The following POLR3B variants were observed in gnomAD, a reference collection of about 807,000 sequenced individuals.
POLR3B encodes DNA-directed RNA polymerase III subunit RPC2.
In POLR3B, 96 loss-of-function variants were observed where a neutral mutation model predicts 147.4. That is an observed-to-expected ratio of 0.65 (90% confidence interval 0.55 to 0.77). The LOEUF (loss-of-function observed/expected upper bound fraction) is 0.77, where lower values mean the gene tolerates loss of function less well. Among genes scored for constraint, POLR3B ranks in the 30% least tolerant of loss-of-function variants. POLR3B has a pLI of 0.00. For synonymous variants in POLR3B, 461 were observed against 485.9 expected (o/e 0.95, Z 0.67); for missense variants, 1,036 against 1,413.5 (o/e 0.73, Z 4.28).
intron 10 of POLR3B, among the ~76,000 whole-genome samples, chr12:106,398,925 C>A (rs763472886): frequency 9.9e-5 from 15 of 152,156 alleles, no homozygotes; most frequent in Non-Finnish European, 2.2e-4. Flanking sequence ...AATCACAGCA[C>A]CTCTCCTCCT....
Position 106,405,906 on chromosome 12 carries a change from G to T in POLR3B, c.896G>T (p.Gly299Val). Residue 299 changes from glycine to valine, a missense_variant, in exon 11 of 28, where the codon GGT becomes GTT. Gly to Val is a moderately radical substitution (Grantham distance 109). Transcript: ENST00000228347. Reference protein sequence around the residue: ...NKVRRQRMWGGGPKKTKIEEA... With the variant: ...NKVRRQRMWGVGPKKTKIEEA... The stretch of plus-strand genomic sequence containing the variant: ...GTAAGAAGGCAAAGGATGTGGGGAG[G>T]TGGACCAAAGAAAACCAAAATAGAA... 1 of 1,613,364 alleles carries T rather than the reference G, an allele frequency of 6.2e-7. No homozygotes were observed. Among genetic ancestry groups the T allele is most frequent in the East Asian group, 2.2e-5 (1 of 44,862 alleles).
chr12:106,459,394 T>C, intron 22 of POLR3B, 26 bp downstream of exon 22: 2 of 1,175,200 alleles, frequency 1.7e-6, no homozygotes, highest in Non-Finnish European at 2.6e-6. Context: ...GCCCTGGTAA[T>C]ATGTAGAAAG....
chr12:106,496,894 A>C lies in POLR3B; in HGVS notation c.2960A>C (p.Asp987Ala), dbSNP rs138378720. The C allele has an allele frequency of 6.2e-7, 1 of 1,614,026 alleles. No individual in the cohort carries two copies. The highest frequency in any genetic ancestry group is 8.5e-7 in the Non-Finnish European group (1 of 1,179,982). ...VRHGYNYLGK[D>A]YVTSGITGEP... is the part of the protein sequence containing the mutation. ...CATGGTTATAACTACTTGGGGAAAGACTATGTTACATCCGGCATCACAGGG... is the reference window on the plus strand; with the variant it reads ...CATGGTTATAACTACTTGGGGAAAGCCTATGTTACATCCGGCATCACAGGG... The change falls in exon 25 of 28, where the codon GAC becomes GCC. Residue 987 changes from aspartate to alanine, a missense_variant. Asp to Ala is a moderately radical substitution (Grantham distance 126). This residue lies in a region of POLR3B where 88 missense variants were observed against 87.5 expected (regional missense o/e 1.01). Transcript: ENST00000228347.
chr12:106,459,513 A>G (rs531494847), intron 22 of POLR3B, 145 bp downstream of exon 22: 1 of 687,712 alleles, frequency 1.5e-6, no homozygotes, highest in South Asian at 1.5e-5. Flanking sequence ...AAAGCATGGC[A>G]TAGAAGATAA....
At chr12:106,371,412 C>T (rs190803056) in intron 6 of POLR3B, among the ~76,000 whole-genome samples, 23 of 151,976 alleles carry the variant, frequency 1.5e-4, no homozygotes, top group Non-Finnish European at 2.2e-4. Context: ...CTAGAAATAC[C>T]ATTTGACCCA....
chr12:106,443,972 G>C (rs1030708267), intron 18 of POLR3B, among the ~76,000 whole-genome samples: 1 of 151,828 alleles, frequency 6.6e-6, no homozygotes, highest in African/African-American at 2.4e-5. Flanking sequence ...CTACAGGTGG[G>C]TGCCACCACA....
chr12:106,496,484 C>T, intron 24 of POLR3B: 1 of 598,910 alleles, frequency 1.7e-6, no homozygotes, highest in Non-Finnish European at 3.0e-6. Flanking sequence ...CCTGGCTCCA[C>T]CTCTTACCAG....
In POLR3B at chr12:106,504,243, G is replaced by A; in HGVS notation, c.3261G>A (p.Gly1087=). The change falls in exon 27 of 28, where the codon GGG becomes GGA. Residue 1087 remains glycine (G), a synonymous_variant. Transcript: ENST00000228347. This position sits in a 1 kb window ranked among gnomAD's most constrained non-coding sequence, Gnocchi z 4.6. The stretch of plus-strand genomic sequence containing the variant: ...TCTGTGGGCAGTGTGGACTTCTGGG[G>A]TATTCTGGCTGGTAAGTGGATACCA... The part of the protein sequence containing the change: ...VDVCGQCGLL[G]YSGWCHYCKS... 6.2e-7 allele frequency: 1 copy of A among 1,613,918 alleles called. No individual in the cohort carries two copies. The highest frequency in any genetic ancestry group is 8.5e-7 in the Non-Finnish European group (1 of 1,179,840).
chr12:106,414,154 AC>A (rs1175771147), intron 12 of POLR3B, among the ~76,000 whole-genome samples: 1 of 151,164 alleles, frequency 6.6e-6, no homozygotes, highest in Non-Finnish European at 1.5e-5. Context: ...AAGAAATAAA[AC>A]ACATCACCAG....
At chr12:106,416,772 G>C (rs1406575471) in intron 12 of POLR3B, among the ~76,000 whole-genome samples, 20 of 152,144 alleles carry the variant, frequency 1.3e-4, no homozygotes, top group Admixed American at 1.3e-3. Flanking sequence ...TTCTTTCACA[G>C]AGCCTGCAGG....
intron 12 of POLR3B, among the ~76,000 whole-genome samples, chr12:106,420,907 C>T (rs2037365514): frequency 6.6e-6 from 1 of 152,192 alleles, no homozygotes; most frequent in African/African-American, 2.4e-5. Context: ...TTCATTTTCC[C>T]CTACCATCCT....
Position 106,378,275 on chromosome 12 carries a change from T to C in POLR3B, c.505T>C (p.Phe169Leu). Residue 169 changes from phenylalanine to leucine, a missense_variant, in exon 8 of 28, where the codon TTC (phenylalanine) becomes CTC (leucine). This residue lies in a region of POLR3B where 217 missense variants were observed against 288.7 expected (regional missense o/e 0.75). Transcript: ENST00000228347. ...TTGTTTCCTTTGGGTAGGTGGCTAC[T>C]TCATTGTTAAAGGAGTAGAAAAAGT... is the stretch of plus-strand genomic sequence containing the variant. ...NECPLDPGGYFIVKGVEKVIL... is the reference protein window; with the variant it reads ...NECPLDPGGYLIVKGVEKVIL... 3 of 1,606,066 alleles carry C rather than the reference T, an allele frequency of 1.9e-6. No individual in the cohort carries two copies. The highest frequency in any genetic ancestry group is 2.6e-6 in the Non-Finnish European group (3 of 1,172,654).
In POLR3B at chr12:106,409,346, G is replaced by GTTTTTTTTTTTTTTTTT. The variant is rs138257827; in HGVS notation, c.967-1472_967-1471insTTTTTTTTTTTTTTTTT. Among the ~76,000 whole-genome samples the GTTTTTTTTTTTTTTTTT allele has an allele frequency of 4.4e-5, 3 of 67,474 alleles. 1 individual carries two copies. The highest frequency in any genetic ancestry group is 8.1e-5 in the African/African-American group (1 of 12,384). 44.3% of individuals were successfully genotyped at this position (67,474 alleles called of 152,430 possible). On this transcript the variant is annotated intron_variant, in intron 11 of 27. Transcript: ENST00000228347. ...TAACTGGTGTTACGATTGTAAGAGGGTTTTTTTTGTTTTTTTTTTTTTTTT... is the reference window on the plus strand; with the variant it reads ...TAACTGGTGTTACGATTGTAAGAGGGTTTTTTTTTTTTTTTTTTTTTTTTTGTTTTTTTTTTTTTTTT...
intron 10 of POLR3B, among the ~76,000 whole-genome samples, chr12:106,395,106 C>G (rs954132667): frequency 7.9e-5 from 12 of 152,108 alleles, no homozygotes; most frequent in African/African-American, 2.9e-4. Flanking sequence ...GTGGCAGGCA[C>G]CAGTGGTCTC....
At chr12:106,393,603 G>A (rs1476751536) in intron 10 of POLR3B, among the ~76,000 whole-genome samples, 5 of 149,650 alleles carry the variant, frequency 3.3e-5, no homozygotes, top group Admixed American at 2.0e-4. Context: ...CCAGTTGTAT[G>A]TGGTTTCTAT....
At position 106,437,399 on chromosome 12, in the gene POLR3B, T is replaced by C. The variant is rs183960576; in HGVS notation, c.1856+268T>C. Among the ~76,000 whole-genome samples the C allele has an allele frequency of 2.6e-5, 4 of 152,222 alleles. No homozygotes were observed. In the East Asian group the frequency reaches 7.7e-4, roughly 29 times the overall value. ...TTACATCATGTGTCAGTGTAGACAC[T>C]GTGGGTCTCATTATGAGGTTTCTAA... On this transcript the variant is annotated intron_variant, in intron 17 of 27. Transcript: ENST00000228347.
At position 106,360,812 on chromosome 12, in the gene POLR3B, T is replaced by G. The variant is rs559431890; in HGVS notation, c.72+2861T>G. 3.3e-5 allele frequency among the ~76,000 whole-genome samples: 5 copies of G among 152,338 alleles called. No individual in the cohort carries two copies. In the South Asian group the frequency reaches 1.0e-3, roughly 32 times the overall value. ...GTTTATACAAGTTCAAAAAATGTGT[T>G]TTCTGCCTCCCAGTGTGTTATAGGC... On this transcript the variant is annotated intron_variant, in intron 1 of 27. Transcript: ENST00000228347.
At chr12:106,363,426 C>G (rs1312987404) in intron 1 of POLR3B, among the ~76,000 whole-genome samples, 1 of 152,182 alleles carries the variant, frequency 6.6e-6, no homozygotes, top group African/African-American at 2.4e-5. Flanking sequence ...AAGCAATCAC[C>G]ATATGTGTCA....
chr12:106,439,699 G>A (rs555827650), intron 18 of POLR3B, among the ~76,000 whole-genome samples: 114 of 152,050 alleles, frequency 7.5e-4, no homozygotes, highest in Middle Eastern at 3.4e-3. Flanking sequence ...GTGGTTTTTG[G>A]TCAGAATTTT....
Sources: allele counts gnomAD v4.1 joint callset (sites outside exome capture counted in the v4.1 genomes callset), GRCh38; gene constraint gnomAD v4.1.1; regional missense constraint gnomAD v4.1.1; non-coding constraint Gnocchi (gnomAD v3.1); transcripts MANE v1.5; gene names NCBI Gene and HGNC (gene_info 2026-07-23, HGNC 2026-07-21).